UPF2: variants seen among roughly 807,000 people sequenced by gnomAD.
UPF2 encodes the protein regulator of nonsense transcripts 2.
UPF2 carries 17 observed loss-of-function variants against 141.4 expected under a neutral mutation model. The ratio of observed to expected loss-of-function variants is 0.12; its 90% CI spans 0.08 to 0.18. The LOEUF is 0.18. Among genes scored for constraint, UPF2 ranks in the 10% least tolerant of loss-of-function variants. The pLI, the probability that UPF2 is intolerant of heterozygous loss-of-function variation, is 1.00. For missense variants in UPF2, 1,152 were observed against 1,515.9 expected (o/e 0.76, Z 3.99); for synonymous variants, 540 against 498.0 (o/e 1.08, Z -1.12).
chr10:11,972,688 C>T (rs1051715712), intron 9 of UPF2, among the ~76,000 whole-genome samples: 1 of 152,202 alleles, frequency 6.6e-6, no homozygotes, highest in South Asian at 2.1e-4. Flanking sequence ...CAGCTTCATC[C>T]ATGTCCCTAC....
At chr10:11,997,803 T>C (rs779888691) in intron 7 of UPF2, 46 bp from the exon 8 acceptor site, 4 of 1,528,338 alleles carry the variant, frequency 2.6e-6, no homozygotes, top group Non-Finnish European at 3.6e-6. Context: ...TCTAATTAGT[T>C]ACGGAGAGCA....
At position 11,943,185 on chromosome 10, in the gene UPF2, T is replaced by G; in HGVS notation, c.3175-17A>C. 6.4e-7 allele frequency: 1 copy of G among 1,566,844 alleles called. No homozygotes were observed. The highest frequency in any genetic ancestry group is 2.2e-5 in the East Asian group (1 of 44,600). On this transcript the variant is annotated splice_polypyrimidine_tract_variant and intron_variant, in intron 16 of 21. Transcript: ENST00000357604. ...AGAACCCTCCTGAAATTATTGAACA[T>G]TAGAAGATTAAATAACTTTTCGAAG...
intron 8 of UPF2, among the ~76,000 whole-genome samples, chr10:11,996,498 A>G (rs948156942): frequency 2.9e-4 from 44 of 152,104 alleles, no homozygotes; most frequent in Admixed American, 2.2e-3. Flanking sequence ...GGCATGCGCC[A>G]CCACACCCAG....
At chr10:11,968,752 T>C (rs766767354) in intron 9 of UPF2, among the ~76,000 whole-genome samples, 1 of 152,234 alleles carries the variant, frequency 6.6e-6, no homozygotes, top group Non-Finnish European at 1.5e-5. Context: ...ATAAATGTAA[T>C]TGAATTTAAC....
rs977475061 is a variant in UPF2 at position 11,979,843 on chromosome 10, T to C, written c.1845-678A>G. On this transcript the variant is annotated intron_variant, in intron 8 of 21. Coordinates refer to ENST00000357604, the MANE Select transcript of UPF2 (RefSeq NM_015542.4). This position sits in a 1 kb window ranked among gnomAD's most constrained non-coding sequence, Gnocchi z 6.2. The stretch of plus-strand genomic sequence containing the variant: ...TTGCTTGAACCCAGGAGGTAGAAGT[T>C]GCAGTGAGCCCAGATCACGCCACTG... Among the ~76,000 whole-genome samples the C allele has an allele frequency of 2.0e-5, 3 of 152,094 alleles. No individual in the cohort carries two copies. Among genetic ancestry groups the C allele is most frequent in the Non-Finnish European group, 4.4e-5 (3 of 68,012 alleles).
In UPF2 at chr10:12,004,597, T is replaced by C; in HGVS notation, c.1437A>G (p.Pro479=). The change falls in exon 5 of 22, where the codon CCA becomes CCG. Residue 479 remains proline, a synonymous_variant. Coordinates refer to ENST00000357604, the MANE Select transcript of UPF2 (RefSeq NM_015542.4). Reference sequence around the variant, plus strand: ...TTTCATTGTCTTTAAACAAGATGGCTGGGACAAAAGCCTTCAAATCAATGA... The same window carrying C: ...TTTCATTGTCTTTAAACAAGATGGCCGGGACAAAAGCCTTCAAATCAATGA... ...ENLIDLKAFV[P]AILFKDNEKS... is the part of the protein sequence containing the mutation. 6.2e-7 allele frequency: 1 copy of C among 1,613,886 alleles called. No homozygotes were observed. Among genetic ancestry groups the C allele is most frequent in the South Asian group, 1.1e-5 (1 of 91,068 alleles).
chr10:11,999,777 A>G (rs1311664784), intron 7 of UPF2, 129 bp downstream of exon 7: 2 of 754,476 alleles, frequency 2.7e-6, no homozygotes, highest in East Asian at 5.3e-5. Context: ...CTGAATTCCC[A>G]TCTAAGACTT....
intron 2 of UPF2, among the ~76,000 whole-genome samples, chr10:12,033,495 T>C (rs910970760): frequency 2.0e-5 from 3 of 152,170 alleles, no homozygotes. Context: ...ATTGTACCAC[T>C]ACACTCCAGC....
At chr10:11,961,159 C>A (rs117430033) in intron 11 of UPF2, among the ~76,000 whole-genome samples, 9,079 of 151,454 alleles carry the variant, frequency 0.06, 372 homozygotes, top group Non-Finnish European at 0.092. Context: ...GGGAAACTCA[C>A]CAGTGAACAG....
chr10:11,993,874 G>A lies in UPF2; in HGVS notation c.1844+3798C>T, dbSNP rs534346597. On this transcript the variant is annotated intron_variant, in intron 8 of 21. Coordinates refer to ENST00000357604, the MANE Select transcript of UPF2 (RefSeq NM_015542.4). ...CATGGTGGTTCATGCCTGTGGTCCCGGCTACTTGCGAGGCTAACGTGAAAG... is the reference window on the plus strand; with the variant it reads ...CATGGTGGTTCATGCCTGTGGTCCCAGCTACTTGCGAGGCTAACGTGAAAG... Among the ~76,000 whole-genome samples the A allele has an allele frequency of 2.9e-3, 446 of 152,034 alleles. 2 individuals carry two copies. Among genetic ancestry groups the A allele is most frequent in the African/African-American group, 0.01 (420 of 41,468 alleles).
chr10:11,982,705 C>T (rs763606603), intron 8 of UPF2, among the ~76,000 whole-genome samples: 36 of 152,252 alleles, frequency 2.4e-4, no homozygotes, highest in Middle Eastern at 3.4e-3. Context: ...TGGATCACCA[C>T]GACCTCCGCC....
intron 4 of UPF2, among the ~76,000 whole-genome samples, chr10:12,006,430 T>C (rs965343436): frequency 1.3e-5 from 2 of 152,180 alleles, no homozygotes; most frequent in African/African-American, 4.8e-5. Context: ...ATAAATAGAT[T>C]ATGTAAATTA....
chr10:12,001,148 C>T (rs1177135430), intron 6 of UPF2, among the ~76,000 whole-genome samples: 1 of 152,202 alleles, frequency 6.6e-6, no homozygotes, highest in East Asian at 1.9e-4. Context: ...GGTGCGGTGG[C>T]TCATGCCTGT....
At chr10:11,957,511 C>A (rs1346627700) in intron 12 of UPF2, among the ~76,000 whole-genome samples, 1 of 151,768 alleles carries the variant, frequency 6.6e-6, no homozygotes, top group East Asian at 1.9e-4. Context: ...AATAATCTCA[C>A]TTTCTTTCTT....
At chr10:11,962,717 C>A (rs114315663) in intron 11 of UPF2, among the ~76,000 whole-genome samples, 1 of 152,168 alleles carries the variant, frequency 6.6e-6, no homozygotes, top group East Asian at 1.9e-4. Context: ...TATTCACTGC[C>A]ACCAGGAAAA....
At chr10:11,970,342 G>A (rs1273877181) in intron 9 of UPF2, among the ~76,000 whole-genome samples, 2 of 150,586 alleles carry the variant, frequency 1.3e-5, no homozygotes. Flanking sequence ...AAAAACTATA[G>A]AGAAAAAAAG....
chr10:12,001,616 G>T lies in UPF2; in HGVS notation c.1654+60C>A, dbSNP rs979670139. On this transcript the variant is annotated intron_variant, in intron 6 of 21. Coordinates refer to ENST00000357604, the MANE Select transcript of UPF2 (RefSeq NM_015542.4). ...TAAGGAGAAAAGATCTATATTCTTA[G>T]GCAAGAGCTCTGTGTGTAAAAACCA... is the stretch of plus-strand genomic sequence containing the variant. 2.1e-5 allele frequency: 30 copies of T among 1,458,848 alleles called. No homozygotes were observed. The East Asian group carries it at 6.2e-4, about 30-fold the overall frequency. The allele number at this position is 1,458,848 out of a possible 1,614,324, so 90.4% of individuals were successfully genotyped here.
At chr10:12,013,249 GA>G (rs1834162614) in intron 4 of UPF2, among the ~76,000 whole-genome samples, 1 of 151,006 alleles carries the variant, frequency 6.6e-6, no homozygotes, top group African/African-American at 2.4e-5. Context: ...ATTATAGAAG[GA>G]TATTTTACAA....
At chr10:11,922,028 T>C (rs781726391) in intron 21 of UPF2, among the ~76,000 whole-genome samples, 2 of 152,002 alleles carry the variant, frequency 1.3e-5, no homozygotes, top group Non-Finnish European at 2.9e-5. Context: ...AAAGGGAAAT[T>C]TGCACACAGA....
Sources: gnomAD v4.1 joint callset for allele counts (sites outside exome capture counted in the v4.1 genomes callset) on GRCh38, gnomAD v4.1.1 for gene constraint, Gnocchi (gnomAD v3.1) non-coding constraint, MANE v1.5 for transcripts, NCBI Gene and HGNC (gene_info 2026-07-23, HGNC 2026-07-21) for gene names.